Variants in FAF1 observed in about 807,000 individuals in gnomAD.
FAF1 encodes the protein Fas associated factor 1.
A neutral mutation model predicts 92.5 loss-of-function variants in FAF1; 25 were observed. The ratio of observed to expected loss-of-function variants is 0.27; its 90% CI spans 0.20 to 0.38. The LOEUF (loss-of-function observed/expected upper bound fraction) is 0.38, where lower values mean the gene tolerates loss of function less well. Among genes scored for constraint, FAF1 ranks in the 10% least tolerant of loss-of-function variants. FAF1 has a pLI of 1.00. For synonymous variants in FAF1, 234 were observed against 273.2 expected (o/e 0.86, Z 1.42); for missense variants, 636 against 793.3 (o/e 0.80, Z 2.38).
chr1:50,717,160 G>A (rs909556546), intron 6 of FAF1, among the ~76,000 whole-genome samples: 16 of 152,144 alleles, frequency 1.1e-4, no homozygotes, highest in East Asian at 3.9e-4. Flanking sequence ...AACCAATTCC[G>A]GACACAATAC....
chr1:50,672,604 C>T (rs1009054990), intron 7 of FAF1, among the ~76,000 whole-genome samples: 9 of 152,026 alleles, frequency 5.9e-5, no homozygotes, highest in Admixed American at 3.9e-4. Flanking sequence ...TTTAAATTGC[C>T]ACTCACAGCT....
intron 1 of FAF1, among the ~76,000 whole-genome samples, chr1:50,891,797 C>G (rs755396358): frequency 1.3e-5 from 2 of 152,236 alleles, no homozygotes; most frequent in African/African-American, 2.4e-5. Context: ...TTAGGCTACT[C>G]AGGGGTGAGG....
chr1:50,832,309 C>T lies in FAF1; in HGVS notation c.114+25620G>A, dbSNP rs1434571088. Among the ~76,000 whole-genome samples the T allele has an allele frequency of 2.0e-5, 3 of 152,116 alleles. No individual in the cohort carries two copies. The East Asian group carries it at 5.8e-4, about 29-fold the overall frequency. On this transcript the variant is annotated intron_variant, in intron 2 of 18. Coordinates refer to ENST00000396153, the MANE Select transcript of FAF1 (RefSeq NM_007051.3). ...CTACTAGCAGAAAAGACATTAGCAC[C>T]AGCAGCCTCAACAGTTGTTACCACT... is the stretch of plus-strand genomic sequence containing the variant.
chr1:50,509,530 T>G (rs1468396820), intron 15 of FAF1, among the ~76,000 whole-genome samples: 1 of 152,178 alleles, frequency 6.6e-6, no homozygotes, highest in African/African-American at 2.4e-5. Context: ...GAGGATTGTT[T>G]GAGCCTGGGA....
chr1:50,676,768 G>A (rs1278486856), intron 7 of FAF1, among the ~76,000 whole-genome samples: 1 of 152,144 alleles, frequency 6.6e-6, no homozygotes, highest in Non-Finnish European at 1.5e-5. Flanking sequence ...GTTGCAGTGA[G>A]CCAAGATCCT....
chr1:50,888,685 G>A (rs1048545032), intron 1 of FAF1, among the ~76,000 whole-genome samples: 50 of 152,108 alleles, frequency 3.3e-4, no homozygotes, highest in Admixed American at 2.4e-3. Flanking sequence ...TGCGTATGTC[G>A]AACGAGCCTT....
intron 15 of FAF1, among the ~76,000 whole-genome samples, chr1:50,507,421 G>T (rs1057183055): frequency 1.8e-4 from 27 of 152,252 alleles, no homozygotes; most frequent in African/African-American, 6.3e-4. Flanking sequence ...ACATTTTTAC[G>T]GGGACTAGTT....
At chr1:50,802,775 C>T (rs548047366) in intron 2 of FAF1, among the ~76,000 whole-genome samples, 15 of 152,198 alleles carry the variant, frequency 9.9e-5, no homozygotes, top group South Asian at 4.1e-4. Flanking sequence ...CCTACCCTTC[C>T]GTATCCACAT....
At chr1:50,688,135 CA>C (rs898642250) in intron 7 of FAF1, among the ~76,000 whole-genome samples, 11 of 143,218 alleles carry the variant, frequency 7.7e-5, no homozygotes, top group East Asian at 3.9e-4. Flanking sequence ...GACTCTATCT[CA>C]AAAAAAATAA....
At chr1:50,879,702 G>A (rs1269110568) in intron 1 of FAF1, among the ~76,000 whole-genome samples, 1 of 152,174 alleles carries the variant, frequency 6.6e-6, no homozygotes, top group African/African-American at 2.4e-5. Context: ...TCCTAGACCA[G>A]CAGCATCAGC....
chr1:50,747,296 G>A (rs1659670397), intron 4 of FAF1, among the ~76,000 whole-genome samples: 1 of 152,148 alleles, frequency 6.6e-6, no homozygotes, highest in Non-Finnish European at 1.5e-5. Flanking sequence ...CAAGCCACAG[G>A]GGTGTAGCTG....
At chr1:50,694,538 A>G (rs1319729072) in intron 7 of FAF1, among the ~76,000 whole-genome samples, 1 of 151,136 alleles carries the variant, frequency 6.6e-6, no homozygotes, top group African/African-American at 2.4e-5. Context: ...GATCTCTTCT[A>G]TAACACTATA....
chr1:50,688,364 C>A (rs547797333), intron 7 of FAF1, among the ~76,000 whole-genome samples: 54 of 152,126 alleles, frequency 3.5e-4, no homozygotes, highest in African/African-American at 1.2e-3. Flanking sequence ...GAAATGAAAG[C>A]AGGACCTCAA....
chr1:50,802,383 C>T (rs1210262245), intron 2 of FAF1, among the ~76,000 whole-genome samples: 1 of 152,166 alleles, frequency 6.6e-6, no homozygotes, highest in Non-Finnish European at 1.5e-5. Context: ...AGCCACCGCG[C>T]CCGGCCATTA....
chr1:50,656,711 T>C (rs1209245100), intron 7 of FAF1, among the ~76,000 whole-genome samples: 2 of 151,714 alleles, frequency 1.3e-5, no homozygotes, highest in Non-Finnish European at 2.9e-5. Context: ...GGCAAAACCT[T>C]GTCTCTATGA....
intron 1 of FAF1, among the ~76,000 whole-genome samples, chr1:50,938,023 A>T (rs1645101183): frequency 6.6e-6 from 1 of 152,244 alleles, no homozygotes; most frequent in South Asian, 2.1e-4. Context: ...TAAAGCAGTA[A>T]GAATTAAAGA....
chr1:50,738,978 A>C (rs758574298), intron 5 of FAF1, 24 bp from the exon 6 acceptor site: 1 of 1,347,036 alleles, frequency 7.4e-7, no homozygotes, highest in Non-Finnish European at 1.0e-6. Flanking sequence ...AACACAGCAA[A>C]AAATGAATGT....
At chr1:50,932,516 A>T (rs949027092) in intron 1 of FAF1, among the ~76,000 whole-genome samples, 11 of 152,186 alleles carry the variant, frequency 7.2e-5, no homozygotes, top group Non-Finnish European at 1.6e-4. Context: ...ACGGATGCAA[A>T]AGGTGGGTTC....
chr1:50,949,729 T>TA (rs1645198955), intron 1 of FAF1, among the ~76,000 whole-genome samples: 1 of 152,220 alleles, frequency 6.6e-6, no homozygotes, highest in Non-Finnish European at 1.5e-5. Flanking sequence ...TTCTGACCCC[T>TA]AATCTAGGTC....
Sources: allele counts gnomAD v4.1 joint callset (sites outside exome capture counted in the v4.1 genomes callset), GRCh38; gene constraint gnomAD v4.1.1; transcripts MANE v1.5; gene names NCBI Gene and HGNC (gene_info 2026-07-23, HGNC 2026-07-21).